CDH8: variants seen among roughly 807,000 people sequenced by gnomAD.
CDH8 encodes cadherin-8.
A neutral mutation model predicts 68.1 loss-of-function variants in CDH8; 17 were observed. The ratio of observed to expected loss-of-function variants is 0.25; its 90% CI spans 0.17 to 0.37. The LOEUF (loss-of-function observed/expected upper bound fraction) is 0.37. Among genes scored for constraint, CDH8 ranks in the 10% least tolerant of loss-of-function variants. CDH8 has a pLI of 1.00. For synonymous variants in CDH8, 372 were observed against 365.1 expected (o/e 1.02, Z -0.21); for missense variants, 763 against 999.3 (o/e 0.76, Z 3.19).
In CDH8 at chr16:61,652,663, T is replaced by C; in HGVS notation, c.*945A>G. 8.7e-7 allele frequency: 1 copy of C among 1,150,404 alleles called. No individual in the cohort carries two copies. Among genetic ancestry groups the C allele is most frequent in the Non-Finnish European group, 1.1e-6 (1 of 906,772 alleles). 71.3% of individuals were successfully genotyped at this position (1,150,404 alleles called of 1,614,324 possible). Reference sequence around the variant, plus strand: ...ATTTATATAAAACAATCTAAAGGATTATTAATGGATATAATTTAGTTTTTT... The same window carrying C: ...ATTTATATAAAACAATCTAAAGGATCATTAATGGATATAATTTAGTTTTTT... On this transcript the variant is annotated 3_prime_UTR_variant, in exon 12 of 12. Transcript: ENST00000577390.
intron 2 of CDH8, among the ~76,000 whole-genome samples, chr16:61,931,071 G>A (rs1401666125): frequency 6.6e-6 from 1 of 152,202 alleles, no homozygotes; most frequent in Non-Finnish European, 1.5e-5. Context: ...CTGTGTATTT[G>A]ATTACACCAT....
chr16:61,660,004 T>A (rs548054456), intron 10 of CDH8, among the ~76,000 whole-genome samples: 10 of 152,188 alleles, frequency 6.6e-5, no homozygotes, highest in African/African-American at 2.4e-4. Context: ...GAAAAGGCAA[T>A]CAAGGAGAGC....
intron 10 of CDH8, among the ~76,000 whole-genome samples, chr16:61,661,778 C>A (rs1963562103): frequency 6.6e-6 from 1 of 151,530 alleles, no homozygotes; most frequent in African/African-American, 2.4e-5. Context: ...AAAAATATAT[C>A]TGATCATATT....
chr16:62,032,804 T>C (rs955812920), intron 1 of CDH8, among the ~76,000 whole-genome samples: 3 of 152,234 alleles, frequency 2.0e-5, no homozygotes, highest in African/African-American at 7.2e-5. Context: ...CAAATTGGAA[T>C]GTTGATAAAG....
At chr16:61,912,539 G>A (rs753500067) in intron 2 of CDH8, among the ~76,000 whole-genome samples, 5 of 152,074 alleles carry the variant, frequency 3.3e-5, no homozygotes, top group Non-Finnish European at 7.4e-5. Context: ...TTGGGATGAA[G>A]AGAATGGATA....
At chr16:61,658,847 C>G (rs1293217857) in intron 10 of CDH8, among the ~76,000 whole-genome samples, 2 of 151,956 alleles carry the variant, frequency 1.3e-5, no homozygotes, top group Non-Finnish European at 2.9e-5. Flanking sequence ...CATCAGTTTT[C>G]TATATTAAGA....
chr16:61,739,915 A>ATGTATT (rs373723105), intron 8 of CDH8, among the ~76,000 whole-genome samples: 2 of 109,562 alleles, frequency 1.8e-5, no homozygotes, highest in East Asian at 3.2e-4. Context: ...ATATATATGT[A>ATGTATT]TTTTTTTTTT....
At chr16:61,768,390 C>CCCTT (rs1567461298) in intron 8 of CDH8, among the ~76,000 whole-genome samples, 1 of 78,270 alleles carries the variant, frequency 1.3e-5, no homozygotes, top group African/African-American at 6.5e-5. Context: ...CTCTCTCTCT[C>CCCTT]TCTCCCTTTC....
chr16:61,928,473 T>A (rs1241434532), intron 2 of CDH8, among the ~76,000 whole-genome samples: 1 of 152,124 alleles, frequency 6.6e-6, no homozygotes, highest in Non-Finnish European at 1.5e-5. Flanking sequence ...GGTAACTGCA[T>A]CTATCATGTC....
intron 9 of CDH8, among the ~76,000 whole-genome samples, chr16:61,715,542 G>C (rs1484494095): frequency 1.3e-5 from 2 of 151,434 alleles, no homozygotes; most frequent in Admixed American, 6.6e-5. Context: ...TAAAATTTTA[G>C]TCATCATATC....
In CDH8 at chr16:61,927,108, T is replaced by C. The variant is rs538247471; in HGVS notation, c.253-25635A>G. On this transcript the variant is annotated intron_variant, in intron 2 of 11. Coordinates refer to ENST00000577390, the MANE Select transcript of CDH8 (RefSeq NM_001796.5). ...ATATCCTTGTACAGTAGAAAGAATATGGGTTTTGAAGTTATTCAGTCCTCA... is the reference window on the plus strand; with the variant it reads ...ATATCCTTGTACAGTAGAAAGAATACGGGTTTTGAAGTTATTCAGTCCTCA... Among the ~76,000 whole-genome samples the C allele has an allele frequency of 2.0e-5, 3 of 152,296 alleles. No individual in the cohort carries two copies. In the South Asian group the frequency reaches 6.2e-4, roughly 32 times the overall value.
At chr16:61,729,722 G>A (rs553187016) in intron 8 of CDH8, among the ~76,000 whole-genome samples, 8 of 151,158 alleles carry the variant, frequency 5.3e-5, no homozygotes, top group South Asian at 2.1e-4. Context: ...CTTTAATCTC[G>A]CTAAATATTC....
At chr16:61,660,823 C>G (rs1254580335) in intron 10 of CDH8, among the ~76,000 whole-genome samples, 1 of 151,914 alleles carries the variant, frequency 6.6e-6, no homozygotes, top group Admixed American at 6.6e-5. Context: ...GCAGAGCTAT[C>G]TTTCAAAATA....
intron 2 of CDH8, among the ~76,000 whole-genome samples, chr16:61,926,733 T>A (rs1964462272): frequency 6.6e-6 from 1 of 152,214 alleles, no homozygotes; most frequent in South Asian, 2.1e-4. Flanking sequence ...TGAGTCTACA[T>A]GAGTCTCTTT....
At chr16:61,816,336 C>T (rs1962073777) in intron 7 of CDH8, among the ~76,000 whole-genome samples, 1 of 152,110 alleles carries the variant, frequency 6.6e-6, no homozygotes, top group South Asian at 2.1e-4. Context: ...TCTCAGCACC[C>T]TTGTGAGTAA....
At chr16:62,004,009 G>T (rs1171265185) in intron 2 of CDH8, among the ~76,000 whole-genome samples, 2 of 152,070 alleles carry the variant, frequency 1.3e-5, no homozygotes, top group African/African-American at 2.4e-5. Context: ...GATTCCAAAG[G>T]GCACTAGAAA....
At chr16:61,708,660 A>G (rs1243811331) in intron 10 of CDH8, among the ~76,000 whole-genome samples, 2 of 152,204 alleles carry the variant, frequency 1.3e-5, no homozygotes, top group Non-Finnish European at 2.9e-5. Context: ...ATCGCCCTTA[A>G]TTACAGTTTA....
intron 10 of CDH8, among the ~76,000 whole-genome samples, chr16:61,701,084 T>C (rs1964420207): frequency 1.3e-5 from 2 of 152,160 alleles, no homozygotes; most frequent in South Asian, 4.1e-4. Flanking sequence ...GATTAGAGTT[T>C]GGGCTTTGGG....
intron 3 of CDH8, among the ~76,000 whole-genome samples, chr16:61,874,488 C>T (rs754593009): frequency 2.6e-5 from 4 of 151,768 alleles, no homozygotes; most frequent in East Asian, 2.0e-4. Context: ...CCCACCACCA[C>T]GCCCAGCTAA....
Sources: gnomAD v4.1 joint callset for allele counts (sites outside exome capture counted in the v4.1 genomes callset) on GRCh38, gnomAD v4.1.1 for gene constraint, MANE v1.5 for transcripts, NCBI Gene and HGNC (gene_info 2026-07-23, HGNC 2026-07-21) for gene names.